The following DTX3L variants were observed in gnomAD, a reference collection of about 807,000 sequenced individuals.
DTX3L encodes deltex E3 ubiquitin ligase 3L, also known as E3 ubiquitin-protein ligase DTX3L.
In DTX3L, 34 loss-of-function variants were observed where a neutral mutation model predicts 60.9. That is an observed-to-expected ratio of 0.56 (90% CI 0.42 to 0.74). The LOEUF (loss-of-function observed/expected upper bound fraction) is 0.74, where lower values mean the gene tolerates loss of function less well. Among genes scored for constraint, DTX3L ranks in the 30% least tolerant of loss-of-function variants. The pLI is 0.00. For synonymous variants in DTX3L, 290 were observed against 316.6 expected, an observed-to-expected ratio of 0.92 and a Z score of 0.89; for missense variants, 810 against 874.0, an observed-to-expected ratio of 0.93 and a Z score of 0.92.
chr3:122,565,763 G>A, intron 1 of DTX3L, 96 bp from the exon 2 acceptor site: 2 of 1,245,694 alleles, frequency 1.6e-6, no homozygotes, highest in East Asian at 2.5e-5. Context: ...ACTGGGAGGT[G>A]CTGGGGCAGA....
Position 122,574,392 on chromosome 3 carries a change from A to G in DTX3L, c.*2645A>G, listed in dbSNP as rs1468277643. 2 of 152,258 alleles carry G rather than the reference A, an allele frequency of 1.3e-5. No homozygotes were observed. The highest frequency in any genetic ancestry group is 4.8e-5 in the African/African-American group (2 of 41,472). 9.4% of individuals were successfully genotyped at this position (152,258 alleles called of 1,614,324 possible). ...CTTCAAGTCAGATTAAAGTAATAATAGCAAATTATGTGATTATCCATGTCC... is the reference window on the plus strand; with the variant it reads ...CTTCAAGTCAGATTAAAGTAATAATGGCAAATTATGTGATTATCCATGTCC... On this transcript the variant is annotated 3_prime_UTR_variant, in exon 5 of 5. Transcript: ENST00000296161.
At chr3:122,567,152 G>A (rs778353354) in intron 2 of DTX3L, among the ~76,000 whole-genome samples, 6 of 152,164 alleles carry the variant, frequency 3.9e-5, no homozygotes, top group East Asian at 1.9e-4. Context: ...CTAGGAACTC[G>A]GGAAGGTACC....
Position 122,571,687 on chromosome 3 carries a change from T to A in DTX3L, c.2163T>A (p.Tyr721Ter). ...SRFGGPEMYGYPDPSYLKRVK... is the reference protein window; with the variant it reads ...SRFGGPEMYG Reference sequence around the variant, plus strand: ...ATTTTTGTTTCTTCAGGTATGGCTATCCTGATCCTTCTTACCTGAAACGTG... The same window carrying A: ...ATTTTTGTTTCTTCAGGTATGGCTAACCTGATCCTTCTTACCTGAAACGTG... Residue 721 changes from tyrosine (Y) to a stop codon, truncating the protein, a stop_gained, in exon 5 of 5, where the codon TAT (tyrosine) becomes TAA (stop). Coordinates refer to ENST00000296161, the MANE Select transcript of DTX3L (RefSeq NM_138287.3). LOFTEE classifies it high-confidence loss of function. 6.2e-7 allele frequency: 1 copy of A among 1,613,410 alleles called. No individual in the cohort carries two copies. Among genetic ancestry groups the A allele is most frequent in the Non-Finnish European group, 8.5e-7 (1 of 1,179,522 alleles).
At position 122,569,663 on chromosome 3, in the gene DTX3L, A is replaced by G; in HGVS notation, c.1574A>G (p.Glu525Gly). ...LAGKKLKEGHETPMDIDSDDS... is the reference protein window; with the variant it reads ...LAGKKLKEGHGTPMDIDSDDS... ...GGAAAGAAATTGAAAGAGGGTCATGAAACACCGATGGACATTGATAGCGAT... is the reference window on the plus strand; with the variant it reads ...GGAAAGAAATTGAAAGAGGGTCATGGAACACCGATGGACATTGATAGCGAT... Residue 525 changes from glutamate (E) to glycine (G), a missense_variant, in exon 3 of 5, where the codon GAA becomes GGA. Transcript: ENST00000296161. 6.2e-7 allele frequency: 1 copy of G among 1,614,220 alleles called. No homozygotes were observed. Among genetic ancestry groups the G allele is most frequent in the Non-Finnish European group, 8.5e-7 (1 of 1,180,040 alleles).
chr3:122,566,002 A>G lies in DTX3L; in HGVS notation c.331A>G (p.Thr111Ala). Reference sequence around the variant, plus strand: ...TTCACTGACACAATCACAAGCAGAAACACCGTCTGGTGATATGCATCAACA... The same window carrying G: ...TTCACTGACACAATCACAAGCAGAAGCACCGTCTGGTGATATGCATCAACA... Reference protein sequence around the residue: ...ISSLTQSQAETPSGDMHQHEG... With the variant: ...ISSLTQSQAEAPSGDMHQHEG... Residue 111 changes from threonine (T) to alanine (A), a missense_variant, in exon 2 of 5, where the codon ACA becomes GCA. By Grantham distance (58) the Thr-to-Ala change is moderately conservative. Coordinates refer to ENST00000296161, the MANE Select transcript of DTX3L (RefSeq NM_138287.3). 6.2e-7 allele frequency: 1 copy of G among 1,614,190 alleles called. No individual in the cohort carries two copies. Among genetic ancestry groups the G allele is most frequent in the South Asian group, 1.1e-5 (1 of 91,084 alleles).
In DTX3L at chr3:122,568,954, G is replaced by A; in HGVS notation, c.865G>A (p.Ala289Thr). Reference protein sequence around the residue: ...FTSSRSGDLEAARESFASEFQ... With the variant: ...FTSSRSGDLETARESFASEFQ... ...CTCAAGTCGATCAGGTGACCTGGAAGCAGCTCGTGAGTCTTTTGCTAGTGA... is the reference window on the plus strand; with the variant it reads ...CTCAAGTCGATCAGGTGACCTGGAAACAGCTCGTGAGTCTTTTGCTAGTGA... Residue 289 changes from alanine (A) to threonine (T), a missense_variant, in exon 3 of 5, where the codon GCA (alanine) becomes ACA (threonine). By Grantham distance (58) the Ala-to-Thr change is moderately conservative (BLOSUM62 0). Transcript: ENST00000296161. 6.2e-7 allele frequency: 1 copy of A among 1,614,138 alleles called. No individual in the cohort carries two copies. Among genetic ancestry groups the A allele is most frequent in the Non-Finnish European group, 8.5e-7 (1 of 1,180,036 alleles).
At chr3:122,570,164 G>A (rs2080634905) in intron 3 of DTX3L, 140 bp downstream of exon 3, 2 of 909,662 alleles carry the variant, frequency 2.2e-6, no homozygotes, top group African/African-American at 1.7e-5. Context: ...TGAAATAGTG[G>A]TAAAGGTCAC....
chr3:122,570,736 T>A (rs534421990), intron 4 of DTX3L, 64 bp downstream of exon 4: 1 of 1,546,444 alleles, frequency 6.5e-7, no homozygotes, highest in African/African-American at 1.4e-5. Flanking sequence ...ATACGGCAAT[T>A]TCTGGATGTG....
Position 122,570,670 on chromosome 3 carries a change from A to G in DTX3L, c.2151A>G (p.Glu717=), listed in dbSNP as rs761742597. 5.6e-6 allele frequency: 9 copies of G among 1,614,172 alleles called. No individual in the cohort carries two copies. Among genetic ancestry groups the G allele is most frequent in the Non-Finnish European group, 6.8e-6 (8 of 1,179,982 alleles). ...HHKTSRFGGP[E]MYGYPDPSYL... Reference sequence around the variant, plus strand: ...AAACATCCCGGTTTGGAGGACCAGAAATGTGAGATCCTTTTGGGATGTAAT... The same window carrying G: ...AAACATCCCGGTTTGGAGGACCAGAGATGTGAGATCCTTTTGGGATGTAAT... The change falls in exon 4 of 5, where the codon GAA becomes GAG. Residue 717 remains glutamate (E), a splice_region_variant and synonymous_variant. Coordinates refer to ENST00000296161, the MANE Select transcript of DTX3L (RefSeq NM_138287.3).
In DTX3L at chr3:122,569,729, G is replaced by A; in HGVS notation, c.1640G>A (p.Ser547Asn). The A allele has an allele frequency of 3.1e-6, 5 of 1,614,174 alleles. No homozygotes were observed. The highest frequency in any genetic ancestry group is 4.2e-6 in the Non-Finnish European group (5 of 1,180,016). Residue 547 changes from serine (S) to asparagine (N), a missense_variant, in exon 3 of 5, where the codon AGT (serine) becomes AAT (asparagine). Physicochemically the swap from Ser to Asn is conservative, Grantham distance 46 (BLOSUM62 1). Coordinates refer to ENST00000296161, the MANE Select transcript of DTX3L (RefSeq NM_138287.3). ...TCTCCGCCACTCAAGGGCTCTGTGA[G>A]TTCTGAGGCCTCAGAACTGGACAAG... is the stretch of plus-strand genomic sequence containing the variant. The part of the protein sequence containing the change: ...AASPPLKGSV[S>N]SEASELDKKE...
rs540569937 is a variant in DTX3L at position 122,571,917 on chromosome 3, C to CT, written c.*180dup. On this transcript the variant is annotated 3_prime_UTR_variant, in exon 5 of 5. Transcript: ENST00000296161. ...CTAGTCTGTCATTTCTGGAGTGATA[C>CT]TTTTTTTTTTGAGACGGAGTCTGCT... 4,266 of 479,404 alleles carry CT rather than the reference C, an allele frequency of 8.9e-3. No homozygotes were observed. The highest frequency in any genetic ancestry group is 0.011 in the South Asian group (360 of 32,010). The allele number at this position is 479,404 out of a possible 1,614,324, so 29.7% of individuals were successfully genotyped here. A position where few individuals can be genotyped will look rare whatever the true frequency, so the allele number is the denominator to read the frequency against.
Position 122,569,886 on chromosome 3 carries a change from C to T in DTX3L, c.1797C>T (p.Cys599=). Residue 599 remains cysteine (C), a synonymous_variant, in exon 3 of 5, where the codon TGC becomes TGT. Coordinates refer to ENST00000296161, the MANE Select transcript of DTX3L (RefSeq NM_138287.3). ...AMSYKPICPT[C]QTSYGIQKGN... is the part of the protein sequence containing the mutation. ...CATATAAGCCAATCTGTCCCACATGCCAGACTTCCTATGGTATTCAGAAAG... is the reference window on the plus strand; with the variant it reads ...CATATAAGCCAATCTGTCCCACATGTCAGACTTCCTATGGTATTCAGAAAG... 6.2e-7 allele frequency: 1 copy of T among 1,614,132 alleles called. No homozygotes were observed. The highest frequency in any genetic ancestry group is 1.1e-5 in the South Asian group (1 of 91,082).
rs570726638 is a variant in DTX3L at position 122,569,835 on chromosome 3, C to T, written c.1746C>T (p.Cys582=). ...KVLPKCKHEF[C]APCINKAMSY... Reference sequence around the variant, plus strand: ...TACCAAAGTGCAAGCATGAATTCTGCGCCCCTTGTATCAACAAAGCCATGT... The same window carrying T: ...TACCAAAGTGCAAGCATGAATTCTGTGCCCCTTGTATCAACAAAGCCATGT... Residue 582 remains cysteine (C), a synonymous_variant, in exon 3 of 5, where the codon TGC becomes TGT. Coordinates refer to ENST00000296161, the MANE Select transcript of DTX3L (RefSeq NM_138287.3). 1.0e-4 allele frequency: 164 copies of T among 1,614,082 alleles called. 2 individuals are homozygous for T. Among genetic ancestry groups the T allele is most frequent in the South Asian group, 8.6e-4 (78 of 91,084 alleles).
At position 122,571,735 on chromosome 3, in the gene DTX3L, A is replaced by C; in HGVS notation, c.2211A>C (p.Lys737Asn). ...LKRVKEELKA[K>N]GIE Reference sequence around the variant, plus strand: ...GTGTCAAAGAGGAGCTGAAAGCCAAAGGAATTGAGTAAGACAACTGCTGGA... The same window carrying C: ...GTGTCAAAGAGGAGCTGAAAGCCAACGGAATTGAGTAAGACAACTGCTGGA... Residue 737 changes from lysine (K) to asparagine (N), a missense_variant, in exon 5 of 5, where the codon AAA becomes AAC. Transcript: ENST00000296161. 6.2e-7 allele frequency: 1 copy of C among 1,613,002 alleles called. No individual in the cohort carries two copies. The highest frequency in any genetic ancestry group is 8.5e-7 in the Non-Finnish European group (1 of 1,179,334).
At position 122,574,918 on chromosome 3, in the gene DTX3L, A is replaced by G. The variant is rs1336677160; in HGVS notation, c.*3171A>G. The G allele has an allele frequency of 6.7e-6, 1 of 148,646 alleles. No homozygotes were observed. The highest frequency in any genetic ancestry group is 2.6e-5 in the African/African-American group (1 of 37,988). 9.2% of individuals were successfully genotyped at this position (148,646 alleles called of 1,614,324 possible). On this transcript the variant is annotated 3_prime_UTR_variant, in exon 5 of 5. Coordinates refer to ENST00000296161, the MANE Select transcript of DTX3L (RefSeq NM_138287.3). ...TGAGGAAGCTTAAGCTAAATGATAC[A>G]TGTTTTTAAAAAAAAATCAGATTAT... is the stretch of plus-strand genomic sequence containing the variant.
chr3:122,568,024 T>G (rs949876744), intron 2 of DTX3L, among the ~76,000 whole-genome samples: 5 of 152,124 alleles, frequency 3.3e-5, no homozygotes, highest in Non-Finnish European at 7.4e-5. Context: ...TAAAAAGGAT[T>G]TGAGACCAGG....
intron 2 of DTX3L, among the ~76,000 whole-genome samples, chr3:122,567,313 G>A (rs12486285): frequency 0.24 from 36,122 of 152,002 alleles, 4,653 homozygotes; most frequent in Admixed American, 0.31. Context: ...AAAACTGAAC[G>A]TAGAAAGGGG....
At position 122,564,394 on chromosome 3, in the gene DTX3L, C is replaced by A; in HGVS notation, c.-33C>A. The A allele has an allele frequency of 1.3e-6, 2 of 1,584,546 alleles. No individual in the cohort carries two copies. Among genetic ancestry groups the A allele is most frequent in the East Asian group, 2.3e-5 (1 of 43,820 alleles). ...GCGCCTTTACCGCCCAGCTGCCTCC[C>A]GGAGCCCCCGCGCCCTCCCGACGCG... On this transcript the variant is annotated 5_prime_UTR_variant, in exon 1 of 5. Coordinates refer to ENST00000296161, the MANE Select transcript of DTX3L (RefSeq NM_138287.3).
In DTX3L at chr3:122,569,464, G is replaced by A; in HGVS notation, c.1375G>A (p.Gly459Ser). 6.2e-7 allele frequency: 1 copy of A among 1,614,040 alleles called. No individual in the cohort carries two copies. Among genetic ancestry groups the A allele is most frequent in the South Asian group, 1.1e-5 (1 of 91,078 alleles). ...AGAAGTTCTTTTACTGAAGTCTTTGGGCAAGGAGAGAAAGCACTTACATCA... is the reference window on the plus strand; with the variant it reads ...AGAAGTTCTTTTACTGAAGTCTTTGAGCAAGGAGAGAAAGCACTTACATCA... ...MREVLLLKSL[G>S]KERKHLHQTK... The change falls in exon 3 of 5, where the codon GGC becomes AGC. Residue 459 changes from glycine to serine, a missense_variant. Physicochemically the swap from Gly to Ser is moderately conservative, Grantham distance 56. Transcript: ENST00000296161.
Sources: allele counts gnomAD v4.1 joint callset (sites outside exome capture counted in the v4.1 genomes callset), GRCh38; gene constraint gnomAD v4.1.1; transcripts MANE v1.5; gene names NCBI Gene and HGNC (gene_info 2026-07-23, HGNC 2026-07-21).